The following RBKS variants were observed in gnomAD, a reference collection of about 807,000 sequenced individuals.
RBKS encodes ribokinase.
RBKS carries 33 observed loss-of-function variants against 33.9 expected under a neutral mutation model. That is an observed-to-expected ratio of 0.97 (90% CI 0.74 to 1.30). The LOEUF is 1.30. Ranked by LOEUF, RBKS falls within the 50% of genes most tolerant of loss-of-function variation. RBKS has a pLI of 0.00. For synonymous variants in RBKS, 125 were observed against 143.0 expected (o/e 0.87, Z 0.90); for missense variants, 361 against 392.6 (o/e 0.92, Z 0.68).
intron 6 of RBKS, among the ~76,000 whole-genome samples, chr2:27,829,633 C>T (rs1213382248): frequency 6.6e-6 from 1 of 152,212 alleles, no homozygotes; most frequent in African/African-American, 2.4e-5. Flanking sequence ...TCCCAAAGTG[C>T]TGGGATTACA....
At position 27,873,306 on chromosome 2, in the gene RBKS, G is replaced by A. The variant is rs73923950; in HGVS notation, c.90-14735C>T. ...GGTCCCCACACAGACATTCTACACA[G>A]CTGCTATTCTTGGGCAACTGTGGCA... On this transcript the variant is annotated intron_variant, in intron 1 of 7. Coordinates refer to ENST00000302188, the MANE Select transcript of RBKS (RefSeq NM_022128.3). Among the ~76,000 whole-genome samples the A allele has an allele frequency of 6.0e-3, 918 of 152,264 alleles. 9 individuals carry two copies. Among genetic ancestry groups the A allele is most frequent in the African/African-American group, 0.02 (833 of 41,538 alleles).
chr2:27,839,601 T>C (rs542377176), intron 5 of RBKS, among the ~76,000 whole-genome samples: 40 of 152,338 alleles, frequency 2.6e-4, no homozygotes, highest in African/African-American at 8.9e-4. Flanking sequence ...AACTGATATA[T>C]TAGCATAATC....
chr2:27,884,971 T>C lies in RBKS; in HGVS notation c.89+5286A>G, dbSNP rs189976604. 1.0e-3 allele frequency among the ~76,000 whole-genome samples: 158 copies of C among 152,260 alleles called. 1 individual carries two copies. Among genetic ancestry groups the C allele is most frequent in the African/African-American group, 3.5e-3 (144 of 41,550 alleles). On this transcript the variant is annotated intron_variant, in intron 1 of 7. Transcript: ENST00000302188. ...TCCAGCCTCATGGCTTTAAATACCA[T>C]TGATACACTGATGACTCTGAAATTT...
intron 1 of RBKS, among the ~76,000 whole-genome samples, chr2:27,863,849 G>C (rs1664036009): frequency 6.6e-6 from 1 of 152,182 alleles, no homozygotes; most frequent in Admixed American, 6.5e-5. Flanking sequence ...AAAAGGCTGA[G>C]AGTAATTTCA....
intron 7 of RBKS, among the ~76,000 whole-genome samples, chr2:27,811,827 T>G (rs548558804): frequency 6.6e-6 from 1 of 152,246 alleles, no homozygotes; most frequent in East Asian, 1.9e-4. Context: ...GGCTTGGGTT[T>G]TAATGGCCAT....
At chr2:27,865,644 C>A (rs1664086332) in intron 1 of RBKS, among the ~76,000 whole-genome samples, 2 of 147,696 alleles carry the variant, frequency 1.4e-5, no homozygotes, top group Non-Finnish European at 3.0e-5. Flanking sequence ...GAACTCCTGG[C>A]CTAAAGTGAG....
Position 27,867,459 on chromosome 2 carries a change from G to A in RBKS, c.90-8888C>T, listed in dbSNP as rs536475574. Among the ~76,000 whole-genome samples the A allele has an allele frequency of 3.3e-5, 5 of 152,256 alleles. No homozygotes were observed. In the South Asian group the frequency reaches 1.0e-3, roughly 32 times the overall value. On this transcript the variant is annotated intron_variant, in intron 1 of 7. Transcript: ENST00000302188. The stretch of plus-strand genomic sequence containing the variant: ...ATTTCCGAATTGAAAATGAAGTTAT[G>A]TGACGGGAGTCTTTATAAACTTAGT...
chr2:27,786,822 C>A (rs1677415095), intron 7 of RBKS, among the ~76,000 whole-genome samples: 1 of 151,592 alleles, frequency 6.6e-6, no homozygotes, highest in African/African-American at 2.4e-5. Context: ...AATATTGTAC[C>A]CACACCTGAA....
chr2:27,877,352 T>C (rs1664333433), intron 1 of RBKS, among the ~76,000 whole-genome samples: 1 of 152,160 alleles, frequency 6.6e-6, no homozygotes, highest in South Asian at 2.1e-4. Flanking sequence ...TTTAACATTC[T>C]TTTTTATGTT....
At chr2:27,819,159 G>A (rs547764529) in intron 7 of RBKS, among the ~76,000 whole-genome samples, 1 of 152,220 alleles carries the variant, frequency 6.6e-6, no homozygotes, top group African/African-American at 2.4e-5. Context: ...ATTTCTCACA[G>A]TTCTGGAGGC....
chr2:27,786,769 A>G (rs1677411307), intron 7 of RBKS, among the ~76,000 whole-genome samples: 1 of 145,906 alleles, frequency 6.9e-6, no homozygotes, highest in South Asian at 2.2e-4. Context: ...CGACAGAGTG[A>G]GACTGTCTCA....
chr2:27,857,929 A>T (rs1337190239), intron 2 of RBKS, among the ~76,000 whole-genome samples: 1 of 152,254 alleles, frequency 6.6e-6, no homozygotes, highest in Non-Finnish European at 1.5e-5. Flanking sequence ...ACTGCTATTC[A>T]TAACAGCCAA....
At position 27,890,144 on chromosome 2, in the gene RBKS, A is replaced by G; in HGVS notation, c.89+113T>C. 3.2e-6 allele frequency: 3 copies of G among 925,620 alleles called. No homozygotes were observed. The highest frequency in any genetic ancestry group is 2.2e-4 in the Middle Eastern group (1 of 4,530). 57.3% of individuals were successfully genotyped at this position (925,620 alleles called of 1,614,324 possible). ...TCGAAAACCTGCAGCTCATACCCAAAGCTAGCACTGTCTATCCCTGGAGAC... is the reference window on the plus strand; with the variant it reads ...TCGAAAACCTGCAGCTCATACCCAAGGCTAGCACTGTCTATCCCTGGAGAC... On this transcript the variant is annotated intron_variant, in intron 1 of 7. Coordinates refer to ENST00000302188, the MANE Select transcript of RBKS (RefSeq NM_022128.3). The surrounding 1 kb of genome is among the most constrained non-coding windows in gnomAD (Gnocchi z 4.8).
In RBKS at chr2:27,890,196, C is replaced by T; in HGVS notation, c.89+61G>A. The stretch of plus-strand genomic sequence containing the variant: ...CAGCGCCCAAAAGCTCCACTGGGCG[C>T]ATAGCGCACGGCACGCCTCCTCCCC... On this transcript the variant is annotated intron_variant, in intron 1 of 7. Transcript: ENST00000302188. The surrounding 1 kb of genome is among the most constrained non-coding windows in gnomAD (Gnocchi z 4.8). The T allele has an allele frequency of 6.6e-7, 1 of 1,523,850 alleles. No homozygotes were observed. 94.4% of individuals were successfully genotyped at this position (1,523,850 alleles called of 1,614,324 possible). A position where few individuals can be genotyped will look rare whatever the true frequency, so the allele number is the denominator to read the frequency against.
chr2:27,855,050 C>T (rs993152522), intron 2 of RBKS, among the ~76,000 whole-genome samples: 5 of 151,458 alleles, frequency 3.3e-5, no homozygotes, highest in Admixed American at 1.3e-4. Context: ...TTACTACCCC[C>T]CGCCCCCCCA....
intron 1 of RBKS, among the ~76,000 whole-genome samples, chr2:27,871,480 G>T (rs1664209736): frequency 6.6e-6 from 1 of 152,140 alleles, no homozygotes; most frequent in Non-Finnish European, 1.5e-5. Flanking sequence ...AGTCTTAAAA[G>T]TCTTCTGCTG....
intron 7 of RBKS, among the ~76,000 whole-genome samples, chr2:27,813,415 A>G (rs1226625375): frequency 6.6e-6 from 1 of 152,216 alleles, no homozygotes; most frequent in Admixed American, 6.5e-5. Context: ...ACCATATGAA[A>G]GAATGGACAG....
intron 7 of RBKS, chr2:27,782,551 A>T (rs1325228965): frequency 8.8e-6 from 4 of 452,010 alleles, no homozygotes; most frequent in Admixed American, 5.0e-5. Flanking sequence ...CTTAATTGGG[A>T]TATGTCCGTT....
chr2:27,870,765 T>A (rs1430177161), intron 1 of RBKS: 1 of 464,012 alleles, frequency 2.2e-6, no homozygotes, highest in East Asian at 6.9e-5. Context: ...TGTCCATGCA[T>A]ATACTCACAC....
Sources: allele counts gnomAD v4.1 joint callset (sites outside exome capture counted in the v4.1 genomes callset), GRCh38; gene constraint gnomAD v4.1.1; non-coding constraint Gnocchi (gnomAD v3.1); transcripts MANE v1.5; gene names NCBI Gene and HGNC (gene_info 2026-07-23, HGNC 2026-07-21).